The following FGF17 variants were observed in gnomAD, a reference collection of about 807,000 sequenced individuals.
FGF17 encodes fibroblast growth factor 17.
Under a neutral mutation model 23.5 loss-of-function variants are expected in FGF17, and 5 were observed. The ratio of observed to expected loss-of-function variants is 0.21; its 90% CI spans 0.11 to 0.45. The LOEUF is 0.45. Among genes scored for constraint, FGF17 ranks in the 20% least tolerant of loss-of-function variants. The pLI is 0.99. For missense variants in FGF17, 221 were observed against 306.9 expected (o/e 0.72, Z 2.09); for synonymous variants, 136 against 123.0 (o/e 1.11, Z -0.70).
At chr8:22,047,380 G>A (rs3176300) in intron 4 of FGF17, among the ~76,000 whole-genome samples, 18,561 of 152,168 alleles carry the variant, frequency 0.12, 1,193 homozygotes, top group Admixed American at 0.15. Context: ...ACGGTAGGCC[G>A]GGCCCTGCTG....
At position 22,048,326 on chromosome 8, in the gene FGF17, G is replaced by T; in HGVS notation, c.*77G>T. 1.6e-6 allele frequency: 2 copies of T among 1,275,990 alleles called. No individual in the cohort carries two copies. The highest frequency in any genetic ancestry group is 5.1e-5 in the East Asian group (2 of 39,416). 79.0% of individuals were successfully genotyped at this position (1,275,990 alleles called of 1,614,324 possible). A position where few individuals can be genotyped will look rare whatever the true frequency, so the allele number is the denominator to read the frequency against. ...TTCTTAATCCAAGGACTGGGCTGGG[G>T]TGGCGGGAGGGGAGCCAGATCCCCG... On this transcript the variant is annotated 3_prime_UTR_variant, in exon 5 of 5. Transcript: ENST00000359441. This position sits in a 1 kb window ranked among gnomAD's most constrained non-coding sequence, Gnocchi z 6.9.
chr8:22,043,997 C>T (rs1391552300), intron 2 of FGF17, among the ~76,000 whole-genome samples: 1 of 151,760 alleles, frequency 6.6e-6, no homozygotes, highest in Admixed American at 6.6e-5. Flanking sequence ...GCCTTTGAAG[C>T]AGTGGGGGGG....
chr8:22,045,704 T>C (rs2129669394), intron 2 of FGF17: 1 of 1,111,502 alleles, frequency 9.0e-7, no homozygotes. Flanking sequence ...GAGCATGTCC[T>C]TGGAGTTCTG....
chr8:22,042,793 C>T, upstream of FGF17: 5 of 725,684 alleles, frequency 6.9e-6, no homozygotes, highest in Non-Finnish European at 1.2e-5. Context: ...CCTCCCCTTT[C>T]TCTCCTCCTC....
chr8:22,040,462 C>A (rs1274509414), upstream of FGF17, among the ~76,000 whole-genome samples: 2 of 152,254 alleles, frequency 1.3e-5, no homozygotes, highest in Non-Finnish European at 2.9e-5. Context: ...AGGTGCCCAA[C>A]AGGAAGGGAC....
chr8:22,045,110 A>G, intron 2 of FGF17: 1 of 985,550 alleles, frequency 1.0e-6, no homozygotes, highest in Non-Finnish European at 1.2e-6. Flanking sequence ...AGAAGTACTC[A>G]GTCTCTCCCA....
intron 2 of FGF17, among the ~76,000 whole-genome samples, chr8:22,043,445 G>A (rs1174186738): frequency 6.6e-6 from 1 of 152,180 alleles, no homozygotes; most frequent in African/African-American, 2.4e-5. Context: ...TCTCCATCGG[G>A]TTCCCCCAGA....
At chr8:22,039,794 C>A (rs1328372807), upstream of FGF17, among the ~76,000 whole-genome samples, 1 of 152,114 alleles carries the variant, frequency 6.6e-6, no homozygotes, top group Non-Finnish European at 1.5e-5. Flanking sequence ...GCCCTCTGCC[C>A]TTTGCCCTTC....
chr8:22,042,461 T>G (rs1266099554), upstream of FGF17: 1 of 199,512 alleles, frequency 5.0e-6, no homozygotes, highest in Non-Finnish European at 1.0e-5. Flanking sequence ...GCGCCAGACC[T>G]GAGTGCAGGA....
intron 2 of FGF17, chr8:22,044,574 A>C: frequency 1.7e-6 from 1 of 583,822 alleles, no homozygotes; most frequent in Non-Finnish European, 2.2e-6. Flanking sequence ...GAGGGCCTGA[A>C]CCTGGGCCAG....
intron 2 of FGF17, 52 bp from the exon 3 acceptor site, chr8:22,046,062 G>A (rs779322494): frequency 2.5e-6 from 4 of 1,613,682 alleles, no homozygotes; most frequent in Non-Finnish European, 2.5e-6. Context: ...TGGACCAGTG[G>A]TGGTGTCACC....
intron 3 of FGF17, 51 bp downstream of exon 3, chr8:22,046,342 T>A (rs745402028): frequency 4.4e-6 from 7 of 1,582,634 alleles, no homozygotes; most frequent in Non-Finnish European, 5.2e-6. Context: ...TCTGCCTCAC[T>A]TCCACCCTGC....
intron 2 of FGF17, 166 bp from the exon 3 acceptor site, chr8:22,045,948 G>C (rs527864022): frequency 6.5e-7 from 1 of 1,529,572 alleles, no homozygotes; most frequent in African/African-American, 1.4e-5. Flanking sequence ...GTTATGACCG[G>C]CTCACCCAGG....
chr8:22,041,463 G>C (rs1800736206), upstream of FGF17, among the ~76,000 whole-genome samples: 1 of 152,154 alleles, frequency 6.6e-6, no homozygotes, highest in Non-Finnish European at 1.5e-5. Flanking sequence ...AGGGAGCCCA[G>C]AGCTGAGGCC....
At chr8:22,044,289 G>A (rs748936912) in intron 2 of FGF17, among the ~76,000 whole-genome samples, 25 of 152,224 alleles carry the variant, frequency 1.6e-4, no homozygotes, top group African/African-American at 5.3e-4. Flanking sequence ...GGGAGGGGGG[G>A]CCAGCAGGCC....
At chr8:22,045,115 C>G in intron 2 of FGF17, 1 of 985,586 alleles carries the variant, frequency 1.0e-6, no homozygotes, top group Non-Finnish European at 1.2e-6. Flanking sequence ...TACTCAGTCT[C>G]TCCCACTCAG....
At chr8:22,047,931 C>T in intron 4 of FGF17, 25 bp from the exon 5 acceptor site, 2 of 1,589,148 alleles carry the variant, frequency 1.3e-6, no homozygotes, top group Non-Finnish European at 8.6e-7. Flanking sequence ...GACAAATGCC[C>T]TTCCTGTCCT....
Position 22,048,384 on chromosome 8 carries a change from GCC to G in FGF17, c.*139_*140del. 1 of 818,768 alleles carries G rather than the reference GCC, an allele frequency of 1.2e-6. No homozygotes were observed. Among genetic ancestry groups the G allele is most frequent in the South Asian group, 1.8e-5 (1 of 54,844 alleles). 50.7% of individuals were successfully genotyped at this position (818,768 alleles called of 1,614,324 possible). On this transcript the variant is annotated 3_prime_UTR_variant, in exon 5 of 5. Transcript: ENST00000359441. The surrounding 1 kb of genome is among the most constrained non-coding windows in gnomAD (Gnocchi z 6.9). ...ACCCTGAGGGCCGCGAAGCATCCGA[GCC>G]CCCAGCTGGGAAGGGGCAGGCCGGT...
Position 22,048,262 on chromosome 8 carries a change from G to T in FGF17, c.*13G>T, listed in dbSNP as rs754981282. On this transcript the variant is annotated 3_prime_UTR_variant, in exon 5 of 5. Coordinates refer to ENST00000359441, the MANE Select transcript of FGF17 (RefSeq NM_003867.4). The surrounding 1 kb of genome is among the most constrained non-coding windows in gnomAD (Gnocchi z 6.9). ...GCCCCTCACGTAGTCTGGGAGGCAG[G>T]GGGCAGCAGCCCCTGGGCCGCCTCC... 6.3e-7 allele frequency: 1 copy of T among 1,579,406 alleles called. No individual in the cohort carries two copies.
Sources: gnomAD v4.1 joint callset for allele counts (sites outside exome capture counted in the v4.1 genomes callset) on GRCh38, gnomAD v4.1.1 for gene constraint, Gnocchi (gnomAD v3.1) non-coding constraint, MANE v1.5 for transcripts, NCBI Gene and HGNC (gene_info 2026-07-23, HGNC 2026-07-21) for gene names.